EIF4A3: variants seen among roughly 807,000 people sequenced by gnomAD.
EIF4A3 encodes the protein eukaryotic initiation factor 4A-III.
In EIF4A3, 1 loss-of-function variant was observed where a neutral mutation model predicts 55.6. The observed-to-expected ratio is 0.02, with a 90% CI of 0.01 to 0.09. The LOEUF is 0.09. EIF4A3 is among the 10% of genes least tolerant of loss of function. The pLI, the probability that EIF4A3 is intolerant of heterozygous loss-of-function variation, is 1.00. For missense variants in EIF4A3, 221 were observed against 540.7 expected (o/e 0.41, Z 5.86); for synonymous variants, 194 against 196.3 (o/e 0.99, Z 0.10).
In EIF4A3 at chr17:80,139,992, C is replaced by A. The variant is rs185675622; in HGVS notation, c.505+16G>T. The A allele has an allele frequency of 2.4e-5, 39 of 1,605,818 alleles. No homozygotes were observed. In the Admixed American group the frequency reaches 6.7e-4, roughly 27 times the overall value. ...ATACTACCGGCAGCACCATTTTTAG[C>A]GACAAAAGTGCTTACCAAAAACACG... is the stretch of plus-strand genomic sequence containing the variant. On this transcript the variant is annotated intron_variant, in intron 5 of 11. Transcript: ENST00000649764.
intron 1 of EIF4A3, among the ~76,000 whole-genome samples, chr17:80,144,948 ACT>A (rs1397531037): frequency 6.6e-6 from 1 of 152,144 alleles, no homozygotes; most frequent in Non-Finnish European, 1.5e-5. Context: ...ATGTACAAAA[ACT>A]CTATTTCAAT....
intron 8 of EIF4A3, 62 bp from the exon 9 acceptor site, chr17:80,137,563 G>C: frequency 7.6e-7 from 1 of 1,321,166 alleles, no homozygotes; most frequent in East Asian, 2.4e-5. Context: ...ATGTGCATTC[G>C]GGACTTTACC....
intron 4 of EIF4A3, among the ~76,000 whole-genome samples, chr17:80,140,928 T>G (rs1052218337): frequency 1.8e-4 from 28 of 152,114 alleles, no homozygotes; most frequent in Non-Finnish European, 3.8e-4. Context: ...CCCAAGTAGC[T>G]GGGATTACAG....
chr17:80,136,694 G>A (rs562890323), intron 9 of EIF4A3: 6 of 218,106 alleles, frequency 2.8e-5, no homozygotes, highest in Admixed American at 1.0e-4. Flanking sequence ...CGGGCATGGC[G>A]GCGGCTTATG....
chr17:80,139,774 C>G, intron 5 of EIF4A3, 24 bp from the exon 6 acceptor site: 1 of 1,604,522 alleles, frequency 6.2e-7, no homozygotes. Context: ...TTTTGAAATA[C>G]TTACGACAAA....
chr17:80,138,030 A>G, intron 8 of EIF4A3, 112 bp downstream of exon 8: 1 of 1,389,742 alleles, frequency 7.2e-7, no homozygotes, highest in Non-Finnish European at 9.9e-7. Flanking sequence ...ATACCCTGAA[A>G]GCTTAAAATA....
rs1038139565 is a variant in EIF4A3, at chr17:80,141,459, A to G, written c.310-78T>C. On this transcript the variant is annotated intron_variant, in intron 3 of 11. Transcript: ENST00000649764. ...ATTGTAGTAATTCACACTCAGATCT[A>G]TATGAGAAATACTATCTCATATTAA... The G allele has an allele frequency of 8.1e-6, 11 of 1,362,132 alleles. No homozygotes were observed. In the African/African-American group the frequency reaches 1.4e-4, roughly 18 times the overall value. The allele number at this position is 1,362,132 out of a possible 1,614,324, so 84.4% of individuals were successfully genotyped here.
chr17:80,137,670 G>T, intron 8 of EIF4A3, 169 bp from the exon 9 acceptor site: 1 of 594,566 alleles, frequency 1.7e-6, no homozygotes, highest in Non-Finnish European at 2.9e-6. Flanking sequence ...CCCAGAAAAT[G>T]TTGGGGTGCA....
At chr17:80,141,276 G>A in intron 4 of EIF4A3, 43 bp downstream of exon 4, 4 of 1,565,750 alleles carry the variant, frequency 2.6e-6, no homozygotes, top group Non-Finnish European at 3.5e-6. Context: ...AATCACAAAA[G>A]CAGTACTTGT....
intron 1 of EIF4A3, 48 bp from the exon 2 acceptor site, chr17:80,144,292 A>C (rs1348479078): frequency 2.5e-6 from 4 of 1,572,780 alleles, no homozygotes; most frequent in Non-Finnish European, 3.5e-6. Flanking sequence ...GACAGCATAG[A>C]AACCCTGTAC....
In EIF4A3 at chr17:80,147,099, A is replaced by C. The variant is rs2039675619; in HGVS notation, c.-138T>G. ...TGCCGACCTCGCTGTGCCGCTGCCGACCTCGCTGTGCCGCTGCCGACCTCG... is the reference window on the plus strand; with the variant it reads ...TGCCGACCTCGCTGTGCCGCTGCCGCCCTCGCTGTGCCGCTGCCGACCTCG... On this transcript the variant is annotated 5_prime_UTR_variant, in exon 1 of 12. Transcript: ENST00000649764. 7.9e-7 allele frequency: 1 copy of C among 1,273,850 alleles called. No individual in the cohort carries two copies. The highest frequency in any genetic ancestry group is 1.7e-5 in the South Asian group (1 of 59,332). The allele number at this position is 1,273,850 out of a possible 1,614,324, so 78.9% of individuals were successfully genotyped here. A position where few individuals can be genotyped will look rare whatever the true frequency, so the allele number is the denominator to read the frequency against.
intron 2 of EIF4A3, among the ~76,000 whole-genome samples, 189 bp downstream of exon 2, chr17:80,143,983 A>G (rs2039638892): frequency 6.6e-6 from 1 of 152,170 alleles, no homozygotes; most frequent in African/African-American, 2.4e-5. Context: ...CCATCTCAAA[A>G]AGAAAATGAA....
chr17:80,138,014 G>A (rs2039587000), intron 8 of EIF4A3, 128 bp downstream of exon 8: 7 of 1,250,744 alleles, frequency 5.6e-6, no homozygotes, highest in Non-Finnish European at 7.8e-6. Context: ...TTTTACAAGA[G>A]AACACATACC....
intron 7 of EIF4A3, chr17:80,138,542 T>TAATTTTTAAATTTAGAATTTAGAATTCTA (rs2039592294): frequency 2.3e-6 from 1 of 442,748 alleles, no homozygotes; most frequent in Non-Finnish European, 4.1e-6. Context: ...AATAGTCACC[T>TAATTTTTAAATTTAGAATTTAGAATTCTA]AATTTTTAAA....
rs2039556671 is a variant in EIF4A3, at chr17:80,134,807, G to A, written c.*683C>T. 6.6e-6 allele frequency among the ~76,000 whole-genome samples: 1 copy of A among 152,034 alleles called. No individual in the cohort carries two copies. The highest frequency in any genetic ancestry group is 1.5e-5 in the Non-Finnish European group (1 of 68,020). On this transcript the variant is annotated 3_prime_UTR_variant, in exon 12 of 12. Transcript: ENST00000649764. ...CCACTGCTCTTCAGCCTGGGCAGCA[G>A]AGCAAAACTCATCAACGATGAAACT...
At chr17:80,141,577 C>T in intron 3 of EIF4A3, 196 bp from the exon 4 acceptor site, 1 of 727,694 alleles carries the variant, frequency 1.4e-6, no homozygotes. Flanking sequence ...CGTCTGCAGA[C>T]AAGAGCTTCC....
intron 5 of EIF4A3, 48 bp from the exon 6 acceptor site, chr17:80,139,798 A>C (rs1249174794): frequency 6.3e-7 from 1 of 1,586,628 alleles, no homozygotes; most frequent in South Asian, 1.1e-5. Context: ...CATCTATGAG[A>C]TTTTGAAATA....
intron 8 of EIF4A3, 114 bp downstream of exon 8, chr17:80,138,028 A>G: frequency 7.2e-7 from 1 of 1,383,234 alleles, no homozygotes; most frequent in South Asian, 1.3e-5. Flanking sequence ...ACATACCCTG[A>G]AAGCTTAAAA....
At chr17:80,143,663 A>G (rs2039635986) in intron 2 of EIF4A3, among the ~76,000 whole-genome samples, 1 of 152,220 alleles carries the variant, frequency 6.6e-6, no homozygotes, top group African/African-American at 2.4e-5. Flanking sequence ...CCAGCAAACC[A>G]CTAAGCAAAG....
Sources: allele counts gnomAD v4.1 joint callset (sites outside exome capture counted in the v4.1 genomes callset), GRCh38; gene constraint gnomAD v4.1.1; transcripts MANE v1.5; gene names NCBI Gene and HGNC (gene_info 2026-07-23, HGNC 2026-07-21).